Variants in CHRM3 observed in about 807,000 individuals in gnomAD.
The protein encoded by CHRM3 is cholinergic receptor muscarinic 3, also known as muscarinic acetylcholine receptor M3.
CHRM3 carries 11 observed loss-of-function variants against 41.8 expected under a neutral mutation model. The observed-to-expected ratio is 0.26, with a 90% confidence interval of 0.17 to 0.44. CHRM3 has a LOEUF of 0.44. CHRM3 is among the 20% of genes least tolerant of loss of function. The pLI is 1.00. For synonymous variants in CHRM3, 297 were observed against 301.4 expected, an observed-to-expected ratio of 0.99 and a Z score of 0.15; for missense variants, 571 against 745.4, an observed-to-expected ratio of 0.77 and a Z score of 2.72.
chr1:239,703,722 A>G lies in CHRM3; in HGVS notation c.-147+25434A>G, dbSNP rs1660891054. On this transcript the variant is annotated intron_variant, in intron 5 of 6. Coordinates refer to ENST00000676153, the MANE Select transcript of CHRM3 (RefSeq NM_001375978.1). ...TCTATTCAGAATTGTTTACCTATGC[A>G]AATTACTGATATCAGTAAAGTTACT... 2.0e-5 allele frequency: 3 copies of G among 152,306 alleles called. No homozygotes were observed. In the South Asian group the frequency reaches 6.2e-4, roughly 32 times the overall value. 9.4% of individuals were successfully genotyped at this position (152,306 alleles called of 1,614,324 possible). A position where few individuals can be genotyped will look rare whatever the true frequency, so the allele number is the denominator to read the frequency against.
chr1:239,675,485 G>A (rs1047594519), intron 4 of CHRM3, among the ~76,000 whole-genome samples: 2 of 152,114 alleles, frequency 1.3e-5, no homozygotes, highest in African/African-American at 4.8e-5. Context: ...GTTACATTTT[G>A]GAATGGTACT....
At chr1:239,771,426 A>T (rs967917237) in intron 5 of CHRM3, among the ~76,000 whole-genome samples, 1 of 152,194 alleles carries the variant, frequency 6.6e-6, no homozygotes, top group African/African-American at 2.4e-5. Context: ...AAAAGAAAAA[A>T]GAATGGAAAT....
At chr1:239,630,156 C>A (rs1669648275) in intron 3 of CHRM3, among the ~76,000 whole-genome samples, 1 of 152,090 alleles carries the variant, frequency 6.6e-6, no homozygotes, top group African/African-American at 2.4e-5. Context: ...ATTTAGTGAA[C>A]AAGATATTGA....
At chr1:239,410,775 G>C (rs565716136) in intron 1 of CHRM3, among the ~76,000 whole-genome samples, 11 of 152,116 alleles carry the variant, frequency 7.2e-5, no homozygotes, top group Admixed American at 7.2e-4. Flanking sequence ...TTTCTCTAAA[G>C]GATTTCCATT....
chr1:239,415,814 G>A (rs191881901), intron 1 of CHRM3, among the ~76,000 whole-genome samples: 1 of 152,248 alleles, frequency 6.6e-6, no homozygotes, highest in Non-Finnish European at 1.5e-5. Flanking sequence ...TATCATCTAG[G>A]CACTGAGGAT....
intron 5 of CHRM3, among the ~76,000 whole-genome samples, chr1:239,766,692 TATA>T (rs1667249058): frequency 2.0e-5 from 3 of 146,752 alleles, no homozygotes; most frequent in Non-Finnish European, 2.9e-5. Context: ...TAGATATAGA[TATA>T]GATATAGATA....
intron 3 of CHRM3, among the ~76,000 whole-genome samples, chr1:239,595,536 T>C (rs1019837170): frequency 2.0e-5 from 3 of 152,218 alleles, no homozygotes; most frequent in Non-Finnish European, 4.4e-5. Context: ...TTGGAAATGA[T>C]GTATTTCCAA....
rs1401539938 is a variant in CHRM3 at position 239,818,580 on chromosome 1, C to G, written c.-146-8672C>G. On this transcript the variant is annotated intron_variant, in intron 5 of 6. Coordinates refer to ENST00000676153, the MANE Select transcript of CHRM3 (RefSeq NM_001375978.1). The stretch of plus-strand genomic sequence containing the variant: ...CCTGCTTCTCACACAGGGCCAGCCT[C>G]TCATTTCTGGAGTTTGTACTCCGGA... Among the ~76,000 whole-genome samples the G allele has an allele frequency of 2.0e-5, 3 of 152,174 alleles. No individual in the cohort carries two copies. In the East Asian group the frequency reaches 5.8e-4, roughly 29 times the overall value.
chr1:239,528,376 T>C (rs777317358), intron 2 of CHRM3, among the ~76,000 whole-genome samples: 8 of 152,208 alleles, frequency 5.3e-5, no homozygotes, highest in Non-Finnish European at 7.4e-5. Flanking sequence ...ATGCTTTCCA[T>C]GGATCCTTTC....
intron 3 of CHRM3, among the ~76,000 whole-genome samples, chr1:239,618,734 C>T (rs1667986777): frequency 1.3e-5 from 2 of 148,726 alleles, no homozygotes; most frequent in South Asian, 4.4e-4. Flanking sequence ...GTCCCAGCTA[C>T]TTGGGAGGCT....
intron 2 of CHRM3, among the ~76,000 whole-genome samples, chr1:239,499,384 A>G (rs1668081242): frequency 6.6e-6 from 1 of 152,172 alleles, no homozygotes; most frequent in African/African-American, 2.4e-5. Flanking sequence ...TTATGACCTT[A>G]TTAATTCAGT....
intron 5 of CHRM3, among the ~76,000 whole-genome samples, chr1:239,692,050 A>G (rs1173901356): frequency 1.3e-5 from 2 of 152,158 alleles, no homozygotes; most frequent in Non-Finnish European, 2.9e-5. Flanking sequence ...CCAGAAATCT[A>G]CTCCGGTTTC....
intron 1 of CHRM3, among the ~76,000 whole-genome samples, chr1:239,409,686 C>T (rs560389354): frequency 6.6e-6 from 1 of 152,158 alleles, no homozygotes; most frequent in Non-Finnish European, 1.5e-5. Context: ...TAAAAGATAG[C>T]GGAATGTGCA....
intron 5 of CHRM3, among the ~76,000 whole-genome samples, chr1:239,733,468 A>G (rs1290851300): frequency 6.6e-6 from 1 of 152,058 alleles, no homozygotes; most frequent in Non-Finnish European, 1.5e-5. Flanking sequence ...TATACCTGAC[A>G]TCTAGTAAGC....
chr1:239,892,520 A>G (rs1678639178), intron 6 of CHRM3, among the ~76,000 whole-genome samples: 1 of 152,202 alleles, frequency 6.6e-6, no homozygotes, highest in South Asian at 2.1e-4. Flanking sequence ...CAATCCTTGC[A>G]TATTTATTAA....
Position 239,750,454 on chromosome 1 carries a change from C to T in CHRM3, c.-147+72166C>T, listed in dbSNP as rs56185297. On this transcript the variant is annotated intron_variant, in intron 5 of 6. Transcript: ENST00000676153. ...TGTTGCTTCCATCATTCAAGCAACTCTCCGAATACCATTTTCATCTGAGGA... is the reference window on the plus strand; with the variant it reads ...TGTTGCTTCCATCATTCAAGCAACTTTCCGAATACCATTTTCATCTGAGGA... 2.4e-3 allele frequency among the ~76,000 whole-genome samples: 371 copies of T among 152,308 alleles called. 1 individual carries two copies. The highest frequency in any genetic ancestry group is 4.0e-3 in the Admixed American group (61 of 15,308).
At chr1:239,724,165 A>G (rs1159379674) in intron 5 of CHRM3, among the ~76,000 whole-genome samples, 3 of 151,430 alleles carry the variant, frequency 2.0e-5, no homozygotes, top group South Asian at 4.2e-4. Flanking sequence ...AAGAATGTTG[A>G]CTTAGGAGGG....
chr1:239,516,005 T>A (rs1413505834), intron 2 of CHRM3, among the ~76,000 whole-genome samples: 1 of 152,188 alleles, frequency 6.6e-6, no homozygotes, highest in Admixed American at 6.6e-5. Flanking sequence ...TATCAAGAGC[T>A]TAGATAACTA....
At chr1:239,599,062 G>A (rs1322780620) in intron 3 of CHRM3, among the ~76,000 whole-genome samples, 4 of 151,966 alleles carry the variant, frequency 2.6e-5, no homozygotes, top group African/African-American at 4.8e-5. Context: ...CCCATCTTCC[G>A]TTGTAGACAC....
Sources: gnomAD v4.1 joint callset for allele counts (sites outside exome capture counted in the v4.1 genomes callset) on GRCh38, gnomAD v4.1.1 for gene constraint, MANE v1.5 for transcripts, NCBI Gene and HGNC (gene_info 2026-07-23, HGNC 2026-07-21) for gene names.